Variants in LRRC4C observed in about 807,000 individuals in gnomAD.
LRRC4C encodes leucine rich repeat containing 4C.
In LRRC4C, 5 loss-of-function variants were observed where a neutral mutation model predicts 33.6. The ratio of observed to expected loss-of-function variants is 0.15; its 90% CI spans 0.08 to 0.31. The LOEUF is 0.31. Ranked by LOEUF, LRRC4C falls within the 10% of genes least tolerant of loss-of-function variation. LRRC4C has a pLI of 1.00. For missense variants in LRRC4C, 560 were observed against 796.7 expected (o/e 0.70, Z 3.58); for synonymous variants, 329 against 302.0 (o/e 1.09, Z -0.93).
chr11:40,663,068 G>C (rs911376657), intron 2 of LRRC4C, among the ~76,000 whole-genome samples: 46 of 152,154 alleles, frequency 3.0e-4, no homozygotes, highest in African/African-American at 1.1e-3. Flanking sequence ...ACTTGGATAA[G>C]ATAGATTTAT....
chr11:40,713,581 G>T (rs1398858135), intron 2 of LRRC4C, among the ~76,000 whole-genome samples: 1 of 152,158 alleles, frequency 6.6e-6, no homozygotes, highest in Non-Finnish European at 1.5e-5. Context: ...ACTTAAAAGG[G>T]TAGTCATGAG....
At position 40,462,596 on chromosome 11, in the gene LRRC4C, G is replaced by C. The variant is rs564190775; in HGVS notation, c.-269-142875C>G. On this transcript the variant is annotated intron_variant, in intron 3 of 6. Coordinates refer to ENST00000528697, the MANE Select transcript of LRRC4C (RefSeq NM_001258419.2). ...TTCTGTTCTCAAAGACCTTATGAAG[G>C]GTGGTGAGAAGGGATAAAAATACAC... Among the ~76,000 whole-genome samples, 13 of 151,978 alleles carry C rather than the reference G, an allele frequency of 8.6e-5. No homozygotes were observed. The East Asian group carries it at 1.9e-3, about 23-fold the overall frequency.
At chr11:41,147,007 C>T (rs1047210025) in intron 1 of LRRC4C, among the ~76,000 whole-genome samples, 1 of 152,200 alleles carries the variant, frequency 6.6e-6, no homozygotes, top group African/African-American at 2.4e-5. Flanking sequence ...TTTTACAGAT[C>T]ATGAATGATT....
intron 1 of LRRC4C, among the ~76,000 whole-genome samples, chr11:41,045,493 G>C (rs75186866): frequency 0.013 from 2,016 of 152,210 alleles, 40 homozygotes; most frequent in African/African-American, 0.046. Context: ...GTTGACGTTC[G>C]TGCCTTTAAT....
intron 2 of LRRC4C, among the ~76,000 whole-genome samples, chr11:40,813,049 C>T (rs1439766669): frequency 6.6e-6 from 1 of 152,132 alleles, no homozygotes; most frequent in Non-Finnish European, 1.5e-5. Context: ...TTCTTAAGAT[C>T]TCTGACTTGA....
chr11:40,671,018 C>T, intron 2 of LRRC4C, among the ~76,000 whole-genome samples: 1 of 152,192 alleles, frequency 6.6e-6, no homozygotes, highest in Non-Finnish European at 1.5e-5. Context: ...CCGCCTTGGC[C>T]TCCCAAGGTG....
chr11:40,483,367 T>C lies in LRRC4C; in HGVS notation c.-269-163646A>G, dbSNP rs181564755. On this transcript the variant is annotated intron_variant, in intron 3 of 6. Coordinates refer to ENST00000528697, the MANE Select transcript of LRRC4C (RefSeq NM_001258419.2). ...TGTAGTAGAGAGAAAGAGAGCTCTT[T>C]CATGTTTGGGATCATGGTGTAGTGA... 9.9e-5 allele frequency among the ~76,000 whole-genome samples: 15 copies of C among 152,260 alleles called. No individual in the cohort carries two copies. The East Asian group carries it at 1.5e-3, about 16-fold the overall frequency.
chr11:40,841,404 G>T (rs559992863), intron 2 of LRRC4C, among the ~76,000 whole-genome samples: 1 of 152,122 alleles, frequency 6.6e-6, no homozygotes, highest in Non-Finnish European at 1.5e-5. Flanking sequence ...AACTCCCATT[G>T]CTGTTGCATT....
chr11:41,097,075 G>A (rs1388316035), intron 1 of LRRC4C, among the ~76,000 whole-genome samples: 2 of 152,114 alleles, frequency 1.3e-5, no homozygotes, highest in Non-Finnish European at 2.9e-5. Context: ...AAGAGATGGG[G>A]CAGGTTCTCA....
At chr11:40,675,060 C>A (rs939993925) in intron 2 of LRRC4C, among the ~76,000 whole-genome samples, 1 of 152,242 alleles carries the variant, frequency 6.6e-6, no homozygotes, top group Middle Eastern at 3.4e-3. Flanking sequence ...CAAAGCAGAA[C>A]TTCTATCTTG....
intron 1 of LRRC4C, among the ~76,000 whole-genome samples, chr11:41,402,248 G>A (rs989943483): frequency 7.2e-5 from 11 of 151,964 alleles, no homozygotes; most frequent in African/African-American, 2.7e-4. Context: ...AAACAATGAT[G>A]AAAGCCTTGC....
chr11:41,458,947 AAGAAGAAAAAAAT>A (rs1956253015), intron 1 of LRRC4C, among the ~76,000 whole-genome samples: 1 of 151,980 alleles, frequency 6.6e-6, no homozygotes, highest in African/African-American at 2.4e-5. Flanking sequence ...ATAACTATTC[AAGAAGAAAAAAAT>A]AGAGCTATGG....
intron 5 of LRRC4C, among the ~76,000 whole-genome samples, chr11:40,239,366 A>C (rs1219309393): frequency 1.3e-5 from 2 of 152,110 alleles, no homozygotes; most frequent in African/African-American, 4.8e-5. Flanking sequence ...CTCGTCCACT[A>C]CTTTGTAACC....
intron 2 of LRRC4C, among the ~76,000 whole-genome samples, chr11:40,785,795 C>A (rs1950389329): frequency 6.6e-6 from 1 of 152,098 alleles, no homozygotes; most frequent in Non-Finnish European, 1.5e-5. Context: ...ACCGCTCACT[C>A]CAAGACAAGG....
At chr11:41,163,521 T>C (rs905740844) in intron 1 of LRRC4C, among the ~76,000 whole-genome samples, 4 of 151,872 alleles carry the variant, frequency 2.6e-5, no homozygotes, top group African/African-American at 7.3e-5. Context: ...TGACCTCAAA[T>C]GATCTGCTTA....
chr11:40,668,136 T>A (rs1055767068), intron 2 of LRRC4C, among the ~76,000 whole-genome samples: 4 of 152,318 alleles, frequency 2.6e-5, no homozygotes, highest in African/African-American at 9.6e-5. Flanking sequence ...TCCACATGCT[T>A]CTGATGATAC....
At chr11:40,382,683 CAT>C (rs1491538215) in intron 3 of LRRC4C, among the ~76,000 whole-genome samples, 2 of 113,298 alleles carry the variant, frequency 1.8e-5, no homozygotes, top group African/African-American at 7.5e-5. Context: ...AACTTGTACT[CAT>C]TTTTTTTTTT....
chr11:40,238,675 A>T (rs1007841154), intron 5 of LRRC4C, among the ~76,000 whole-genome samples: 1 of 152,224 alleles, frequency 6.6e-6, no homozygotes, highest in Non-Finnish European at 1.5e-5. Context: ...AATTTTTATC[A>T]CATGAGTTTA....
chr11:40,461,760 T>C (rs1952409042), intron 3 of LRRC4C, among the ~76,000 whole-genome samples: 1 of 150,594 alleles, frequency 6.6e-6, no homozygotes, highest in Non-Finnish European at 1.5e-5. Context: ...TATTTGCATG[T>C]AGTCTTACAC....
Sources: gnomAD v4.1 joint callset for allele counts (sites outside exome capture counted in the v4.1 genomes callset) on GRCh38, gnomAD v4.1.1 for gene constraint, MANE v1.5 for transcripts, NCBI Gene and HGNC (gene_info 2026-07-23, HGNC 2026-07-21) for gene names.